ZBBX: variants seen among roughly 807,000 people sequenced by gnomAD.
ZBBX encodes the protein zinc finger B-box domain containing.
In ZBBX, 101 loss-of-function variants were observed where a neutral mutation model predicts 108.5. The ratio of observed to expected loss-of-function variants is 0.93; its 90% CI spans 0.79 to 1.10. The LOEUF is 1.10. ZBBX is among the 50% of genes least tolerant of loss of function. ZBBX has a pLI of 0.00. For missense variants in ZBBX, 1,009 were observed against 941.4 expected (o/e 1.07, Z -0.94); for synonymous variants, 356 against 323.4 (o/e 1.10, Z -1.08).
chr3:167,181,859 G>A, the ZBBX span, among the ~76,000 whole-genome samples: 1 of 152,168 alleles, frequency 6.6e-6, no homozygotes, highest in Admixed American at 6.5e-5. Flanking sequence ...AGGGTCTATA[G>A]ACTCCTGTTG....
the ZBBX span, among the ~76,000 whole-genome samples, chr3:167,218,247 C>A: frequency 6.6e-6 from 1 of 151,976 alleles, no homozygotes; most frequent in Non-Finnish European, 1.5e-5. Context: ...CATGAACTCC[C>A]AAACATAAAA....
chr3:167,261,203 T>C (rs1196724934), intron 20 of ZBBX, among the ~76,000 whole-genome samples: 2 of 152,152 alleles, frequency 1.3e-5, no homozygotes, highest in Non-Finnish European at 2.9e-5. Context: ...CTCTCAGCCA[T>C]GGATACCAGC....
At chr3:167,219,404 A>G in the ZBBX span, among the ~76,000 whole-genome samples, 11 of 152,146 alleles carry the variant, frequency 7.2e-5, no homozygotes, top group East Asian at 1.9e-3. Context: ...TAAAAGTTCA[A>G]AAAAACTGAA....
At chr3:167,278,357 AC>A (rs1162922633) in intron 20 of ZBBX, among the ~76,000 whole-genome samples, 2 of 151,232 alleles carry the variant, frequency 1.3e-5, no homozygotes, top group East Asian at 1.9e-4. Context: ...CACTAGCAAG[AC>A]TAATAAAGAA....
chr3:167,220,019 AC>A, the ZBBX span, among the ~76,000 whole-genome samples: 20 of 152,164 alleles, frequency 1.3e-4, no homozygotes, highest in Non-Finnish European at 2.5e-4. Flanking sequence ...AAATTTCTAG[AC>A]ACATTCAACC....
At chr3:167,313,863 C>T in intron 16 of ZBBX, 111 bp downstream of exon 16, 1 of 960,736 alleles carries the variant, frequency 1.0e-6, no homozygotes, top group Non-Finnish European at 1.5e-6. Context: ...CATTTTAGTA[C>T]TGAGGTTTTT....
At chr3:167,405,634 G>A (rs996573527) in intron 1 of ZBBX, among the ~76,000 whole-genome samples, 3 of 152,166 alleles carry the variant, frequency 2.0e-5, no homozygotes, top group Non-Finnish European at 4.4e-5. Flanking sequence ...TTCTTTCAGG[G>A]AGCTTGATAT....
intron 10 of ZBBX, among the ~76,000 whole-genome samples, chr3:167,330,568 C>T (rs1738256981): frequency 2.6e-5 from 4 of 151,814 alleles, no homozygotes; most frequent in Admixed American, 2.6e-4. Flanking sequence ...AAGTTGAGGC[C>T]TTAATCTAAT....
chr3:167,402,331 T>C (rs544362457), intron 1 of ZBBX, among the ~76,000 whole-genome samples: 74 of 152,306 alleles, frequency 4.9e-4, no homozygotes, highest in South Asian at 1.0e-3. Flanking sequence ...AGACTAGCCC[T>C]TCCTTGGAAA....
intron 20 of ZBBX, among the ~76,000 whole-genome samples, chr3:167,269,670 G>A (rs1726187961): frequency 6.6e-6 from 1 of 152,148 alleles, no homozygotes. Flanking sequence ...TGGGCTTCTT[G>A]AGCCTTGTAT....
chr3:167,195,793 G>A, the ZBBX span, among the ~76,000 whole-genome samples: 12 of 152,180 alleles, frequency 7.9e-5, no homozygotes, highest in African/African-American at 2.9e-4. Flanking sequence ...AGAATCTATA[G>A]CAGTGTTTCC....
the ZBBX span, among the ~76,000 whole-genome samples, chr3:167,216,523 A>G: frequency 1.3e-5 from 2 of 152,186 alleles, no homozygotes; most frequent in Non-Finnish European, 2.9e-5. Context: ...GGAAGAATCA[A>G]TGGTACTAAA....
Position 167,315,788 on chromosome 3 carries a change from A to C in ZBBX, c.1236T>G (p.Pro412=). The change falls in exon 15 of 22, where the codon CCT becomes CCG. Residue 412 remains proline, a synonymous_variant. Transcript: ENST00000675490. ...CTGCATCAGCTAATTTAACTTTGTA[A>C]GGCACAATATTTTCTGCTTCTTCAA... ...EEFEEAENIV[P]YKVKLADADS... 1 of 1,607,976 alleles carries C rather than the reference A, an allele frequency of 6.2e-7. No homozygotes were observed. Among genetic ancestry groups the C allele is most frequent in the Non-Finnish European group, 8.5e-7 (1 of 1,176,608 alleles).
intron 9 of ZBBX, among the ~76,000 whole-genome samples, chr3:167,336,479 C>T (rs1293022741): frequency 1.3e-5 from 2 of 152,104 alleles, no homozygotes; most frequent in East Asian, 3.8e-4. Context: ...TTTTCTTAAT[C>T]TTAGAACAAT....
chr3:167,335,487 A>G (rs1333576736), intron 9 of ZBBX, among the ~76,000 whole-genome samples: 1 of 152,022 alleles, frequency 6.6e-6, no homozygotes, highest in Admixed American at 6.6e-5. Flanking sequence ...GAATCGTCAG[A>G]TGCTCTGTGA....
At chr3:167,332,851 TA>T (rs1374292062) in intron 10 of ZBBX, among the ~76,000 whole-genome samples, 12 of 152,128 alleles carry the variant, frequency 7.9e-5, no homozygotes, top group Non-Finnish European at 1.5e-4. Context: ...TGGCAATTTA[TA>T]AAAACTATTC....
At chr3:167,303,078 C>CA (rs996799347) in intron 17 of ZBBX, among the ~76,000 whole-genome samples, 1 of 151,880 alleles carries the variant, frequency 6.6e-6, no homozygotes, top group Non-Finnish European at 1.5e-5. Context: ...AAAAGATGTG[C>CA]AAAAAAACAT....
intron 20 of ZBBX, among the ~76,000 whole-genome samples, chr3:167,277,081 G>T (rs140023915): frequency 0.26 from 39,080 of 151,692 alleles, 5,777 homozygotes; most frequent in South Asian, 0.34. Flanking sequence ...CCCTAAAAGA[G>T]CTCCTGAAGG....
the ZBBX span, among the ~76,000 whole-genome samples, chr3:167,206,072 GGTTT>G: frequency 8.6e-5 from 13 of 151,740 alleles, no homozygotes; most frequent in African/African-American, 2.9e-4. Context: ...GTCCTTATTT[GGTTT>G]ATCAGATTTT....
Sources: gnomAD v4.1 joint callset for allele counts (sites outside exome capture counted in the v4.1 genomes callset) on GRCh38, gnomAD v4.1.1 for gene constraint, MANE v1.5 for transcripts, NCBI Gene and HGNC (gene_info 2026-07-23, HGNC 2026-07-21) for gene names.